Variants in BTN3A3 observed in about 807,000 individuals in gnomAD.
The protein encoded by BTN3A3 is butyrophilin 3.
In BTN3A3, 39 loss-of-function variants were observed where a neutral mutation model predicts 43.2. That is an observed-to-expected ratio of 0.90 (90% confidence interval 0.70 to 1.18). The LOEUF (loss-of-function observed/expected upper bound fraction) is 1.18. BTN3A3 is among the 50% of genes most tolerant of loss of function. BTN3A3 has a pLI of 0.00. For missense variants in BTN3A3, 631 were observed against 722.8 expected (o/e 0.87, Z 1.46); for synonymous variants, 255 against 272.7 (o/e 0.93, Z 0.64).
chr6:26,448,102 T>G, intron 5 of BTN3A3, 146 bp from the exon 6 acceptor site: 1 of 925,190 alleles, frequency 1.1e-6, no homozygotes, highest in Non-Finnish European at 1.6e-6. Context: ...TACAGTCCTC[T>G]GAGACTTTAG....
rs138755245 is a variant in BTN3A3, at chr6:26,444,164, C to T, written c.293C>T (p.Ser98Leu). ...AGTGCACCGTATCGAGGGAGAACTT[C>T]GATTCTGCGGGATGGCATCACTGCA... ...RQSAPYRGRT[S>L]ILRDGITAGK... Residue 98 changes from serine to leucine, a missense_variant, in exon 4 of 11, where the codon TCG becomes TTG. By Grantham distance (145) the Ser-to-Leu change is moderately radical (BLOSUM62 -2). This residue lies in a region of BTN3A3 where 80 missense variants were observed against 138.7 expected (regional missense o/e 0.58). Transcript: ENST00000244519. 1.5e-5 allele frequency: 24 copies of T among 1,611,932 alleles called. No homozygotes were observed. The highest frequency in any genetic ancestry group is 8.0e-5 in the African/African-American group (6 of 74,852).
Position 26,445,558 on chromosome 6 carries a change from T to A in BTN3A3, c.434-146T>A, listed in dbSNP as rs921807094. 3.8e-6 allele frequency: 4 copies of A among 1,061,644 alleles called. No homozygotes were observed. In the African/African-American group the frequency reaches 6.4e-5, roughly 17 times the overall value. The allele number at this position is 1,061,644 out of a possible 1,614,324, so 65.8% of individuals were successfully genotyped here. A position where few individuals can be genotyped will look rare whatever the true frequency, so the allele number is the denominator to read the frequency against. On this transcript the variant is annotated intron_variant, in intron 4 of 10. Coordinates refer to ENST00000244519, the MANE Select transcript of BTN3A3 (RefSeq NM_006994.5). ...GATACTGCACTAGCCCATTTAGTTT[T>A]CTTTTCATCATGACCACACTTGTGT...
intron 1 of BTN3A3, among the ~76,000 whole-genome samples, 171 bp from the exon 2 acceptor site, chr6:26,443,211 G>A (rs2113833604): frequency 6.6e-6 from 1 of 152,286 alleles, no homozygotes; most frequent in East Asian, 1.9e-4. Flanking sequence ...CTGAACAAGG[G>A]TGGGACCAGG....
intron 5 of BTN3A3, among the ~76,000 whole-genome samples, chr6:26,447,148 A>G (rs1254545928): frequency 6.6e-6 from 1 of 152,200 alleles, no homozygotes; most frequent in East Asian, 1.9e-4. Flanking sequence ...AAAAAGAGAT[A>G]ATTCTCTCTA....
Position 26,444,412 on chromosome 6 carries a change from T to G in BTN3A3, c.433+108T>G, listed in dbSNP as rs975651976. ...GACACTCCTGGCTGCTCACTAGCAATTGTCTGCACTGCCTCCCAACTTAGC... is the reference window on the plus strand; with the variant it reads ...GACACTCCTGGCTGCTCACTAGCAAGTGTCTGCACTGCCTCCCAACTTAGC... On this transcript the variant is annotated intron_variant, in intron 4 of 10. Transcript: ENST00000244519. 6.5e-6 allele frequency: 10 copies of G among 1,548,360 alleles called. 1 individual carries two copies. The African/African-American group carries it at 1.4e-4, about 21-fold the overall frequency.
Position 26,451,933 on chromosome 6 carries a change from C to T in BTN3A3, c.1277C>T (p.Thr426Ile). The change falls in exon 11 of 11, where the codon ACA becomes ATA. Residue 426 changes from threonine (T) to isoleucine (I), a missense_variant. Physicochemically the swap from Thr to Ile is moderately conservative, Grantham distance 89 (BLOSUM62 -1). This residue lies in a region of BTN3A3 where 551 missense variants were observed against 584.0 expected (regional missense o/e 0.94). Coordinates refer to ENST00000244519, the MANE Select transcript of BTN3A3 (RefSeq NM_006994.5). ...AGGAAAAAAGGTTGGGTCAAAATGA[C>T]ACCGGAGAACGGATACTGGACTATG... ...VERKKGWVKM[T>I]PENGYWTMGL... 13 of 1,614,070 alleles carry T rather than the reference C, an allele frequency of 8.1e-6. No homozygotes were observed. Among genetic ancestry groups the T allele is most frequent in the Non-Finnish European group, 1.1e-5 (13 of 1,180,022 alleles).
At chr6:26,444,431 A>C in intron 4 of BTN3A3, 127 bp downstream of exon 4, 1 of 1,449,744 alleles carries the variant, frequency 6.9e-7, no homozygotes. Context: ...CTGCCTCCCA[A>C]CTTAGCTTCT....
intron 4 of BTN3A3, chr6:26,444,730 A>G (rs1336792050): frequency 3.4e-6 from 1 of 295,960 alleles, no homozygotes; most frequent in Non-Finnish European, 6.4e-6. Context: ...AGTGACTCCC[A>G]GAAACATTTT....
intron 9 of BTN3A3, 151 bp downstream of exon 9, chr6:26,449,839 T>C: frequency 9.2e-7 from 1 of 1,084,560 alleles, no homozygotes; most frequent in South Asian, 1.5e-5. Flanking sequence ...TGACTTCTGC[T>C]TTTCTGGAGC....
At chr6:26,441,542 G>A (rs1305851920) in intron 1 of BTN3A3, among the ~76,000 whole-genome samples, 1 of 150,512 alleles carries the variant, frequency 6.6e-6, no homozygotes, top group Non-Finnish European at 1.5e-5. Flanking sequence ...GGAACTTTTG[G>A]GTAAAGCATA....
rs1196078527 is a variant in BTN3A3 at position 26,445,903 on chromosome 6, A to C, written c.633A>C (p.Arg211Ser). 1.9e-6 allele frequency: 3 copies of C among 1,614,180 alleles called. No individual in the cohort carries two copies. In the East Asian group the frequency reaches 6.7e-5, roughly 36 times the overall value. ...LYAVAASVIM[R>S]GSSGGGVSCI... Reference sequence around the variant, plus strand: ...CAGTAGCAGCATCTGTGATCATGAGAGGCAGCTCTGGTGGGGGTGTATCCT... The same window carrying C: ...CAGTAGCAGCATCTGTGATCATGAGCGGCAGCTCTGGTGGGGGTGTATCCT... The change falls in exon 5 of 11, where the codon AGA becomes AGC. Residue 211 changes from arginine to serine, a missense_variant. This residue lies in a region of BTN3A3 where 551 missense variants were observed against 584.0 expected (regional missense o/e 0.94). Transcript: ENST00000244519.
chr6:26,452,466 G>T lies in BTN3A3; in HGVS notation c.*55G>T. On this transcript the variant is annotated 3_prime_UTR_variant, in exon 11 of 11. Coordinates refer to ENST00000244519, the MANE Select transcript of BTN3A3 (RefSeq NM_006994.5). ...GTTTTGAGTTTCGTACCACCTTATT[G>T]TCCCCTTATACAGATAAGGAAACTG... 2.1e-6 allele frequency: 3 copies of T among 1,459,446 alleles called. No homozygotes were observed. The highest frequency in any genetic ancestry group is 2.8e-5 in the African/African-American group (2 of 71,606). The allele number at this position is 1,459,446 out of a possible 1,614,324, so 90.4% of individuals were successfully genotyped here. A position where few individuals can be genotyped will look rare whatever the true frequency, so the allele number is the denominator to read the frequency against.
chr6:26,448,885 G>C (rs1292778951), intron 8 of BTN3A3, 131 bp downstream of exon 8: 2 of 1,119,168 alleles, frequency 1.8e-6, no homozygotes, highest in Non-Finnish European at 2.6e-6. Flanking sequence ...CTCAGGAAAA[G>C]AAAATAAGTT....
intron 1 of BTN3A3, among the ~76,000 whole-genome samples, chr6:26,441,104 A>G (rs1762623547): frequency 6.6e-6 from 1 of 152,214 alleles, no homozygotes; most frequent in Admixed American, 6.5e-5. Context: ...AGAAATACTT[A>G]TAATATAGAA....
In BTN3A3 at chr6:26,451,525, T is replaced by C. The variant is rs1762929207; in HGVS notation, c.1019-150T>C. The C allele has an allele frequency of 5.6e-6, 8 of 1,434,212 alleles. No individual in the cohort carries two copies. In the South Asian group the frequency reaches 9.1e-5, roughly 16 times the overall value. The allele number at this position is 1,434,212 out of a possible 1,614,324, so 88.8% of individuals were successfully genotyped here. ...ACAAGACCCCTTGAGCTTTCTCCCA[T>C]GACATTGATGAGAGAGTCATATTTA... is the stretch of plus-strand genomic sequence containing the variant. On this transcript the variant is annotated intron_variant, in intron 10 of 10. Transcript: ENST00000244519.
chr6:26,443,373 T>C lies in BTN3A3; in HGVS notation c.-66-9T>C, dbSNP rs1400158484. The stretch of plus-strand genomic sequence containing the variant: ...TGTCCTGATCAGATAACAGATATTA[T>C]TTTTACAGATGGTTTTCCATACTGG... On this transcript the variant is annotated splice_polypyrimidine_tract_variant and intron_variant, in intron 1 of 10. Coordinates refer to ENST00000244519, the MANE Select transcript of BTN3A3 (RefSeq NM_006994.5). 31 of 1,281,492 alleles carry C rather than the reference T, an allele frequency of 2.4e-5. No homozygotes were observed. Among genetic ancestry groups the C allele is most frequent in the Non-Finnish European group, 3.2e-5 (31 of 960,784 alleles). 79.4% of individuals were successfully genotyped at this position (1,281,492 alleles called of 1,614,324 possible). A position where few individuals can be genotyped will look rare whatever the true frequency, so the allele number is the denominator to read the frequency against.
At position 26,452,208 on chromosome 6, in the gene BTN3A3, G is replaced by A. The variant is rs1762951292; in HGVS notation, c.1552G>A (p.Val518Ile). The A allele has an allele frequency of 1.2e-6, 2 of 1,614,144 alleles. No homozygotes were observed. The highest frequency in any genetic ancestry group is 2.7e-5 in the African/African-American group (2 of 75,024). ...GACCATTTGCCCAATACCAAAAGAA[G>A]TAGAGAGTTCCCCCGATCCTGACCT... ...ALTICPIPKE[V>I]ESSPDPDLVP... The change falls in exon 11 of 11, where the codon GTA (valine) becomes ATA (isoleucine). Residue 518 changes from valine (V) to isoleucine (I), a missense_variant. Val to Ile is a conservative substitution (Grantham distance 29, BLOSUM62 3). Around this residue, in one of 2 missense-constraint regions of BTN3A3, gnomAD observed 551 missense variants for 584.0 expected, o/e 0.94. Coordinates refer to ENST00000244519, the MANE Select transcript of BTN3A3 (RefSeq NM_006994.5).
At chr6:26,449,880 C>T (rs1340291191) in intron 9 of BTN3A3, among the ~76,000 whole-genome samples, 192 bp downstream of exon 9, 1 of 152,136 alleles carries the variant, frequency 6.6e-6, no homozygotes, top group Non-Finnish European at 1.5e-5. Flanking sequence ...TGCACATGCC[C>T]AGGCAAAGCA....
chr6:26,442,630 C>T (rs1220342551), intron 1 of BTN3A3, among the ~76,000 whole-genome samples: 1 of 152,210 alleles, frequency 6.6e-6, no homozygotes, highest in Non-Finnish European at 1.5e-5. Context: ...TTCCTCTAAA[C>T]AGTCTCCTGT....
Sources: gnomAD v4.1 joint callset for allele counts (sites outside exome capture counted in the v4.1 genomes callset) on GRCh38, gnomAD v4.1.1 for gene constraint, gnomAD v4.1.1 regional missense constraint, MANE v1.5 for transcripts, NCBI Gene and HGNC (gene_info 2026-07-23, HGNC 2026-07-21) for gene names.